Variants in ADAMTS17 observed in about 807,000 individuals in gnomAD.
The protein encoded by ADAMTS17 is ADAM metallopeptidase with thrombospondin type 1 motif 17.
ADAMTS17 carries 113 observed loss-of-function variants against 141.5 expected under a neutral mutation model. The observed-to-expected ratio is 0.80, with a 90% CI of 0.69 to 0.93. ADAMTS17 has a LOEUF of 0.93. Ranked by LOEUF, ADAMTS17 falls within the 40% of genes least tolerant of loss-of-function variation. The probability of loss-of-function intolerance (pLI) is 0.00; values close to 1 mark genes in which losing one functional copy is unlikely to be tolerated. For synonymous variants in ADAMTS17, 768 were observed against 630.6 expected, an observed-to-expected ratio of 1.22 and a Z score of -3.27; for missense variants, 1,659 against 1,517.9, an observed-to-expected ratio of 1.09 and a Z score of -1.54.
At chr15:100,247,766 C>T (rs2043032226) in intron 7 of ADAMTS17, among the ~76,000 whole-genome samples, 2 of 152,216 alleles carry the variant, frequency 1.3e-5, no homozygotes. Flanking sequence ...CTCCCCCTCA[C>T]CTCTTGCCAG....
intron 3 of ADAMTS17, among the ~76,000 whole-genome samples, chr15:100,328,343 G>C (rs561434113): frequency 6.6e-6 from 1 of 152,282 alleles, no homozygotes; most frequent in South Asian, 2.1e-4. Context: ...AAGGCCCATT[G>C]TCATTCTCAG....
At position 100,117,024 on chromosome 15, in the gene ADAMTS17, G is replaced by A; in HGVS notation, c.1722-11C>T. The A allele has an allele frequency of 6.2e-7, 1 of 1,600,844 alleles. No individual in the cohort carries two copies. The highest frequency in any genetic ancestry group is 8.5e-7 in the Non-Finnish European group (1 of 1,174,152). On this transcript the variant is annotated splice_polypyrimidine_tract_variant and intron_variant, in intron 12 of 21. Coordinates refer to ENST00000268070, the MANE Select transcript of ADAMTS17 (RefSeq NM_139057.4). ...CCTCCAGGCCCAGGGCTAGAAGGAA[G>A]AAGAAGGTCTGTGTTAACCAGGTGG...
rs888435182 is a variant in ADAMTS17 at position 100,061,267 on chromosome 15, G to C, written c.2138-7213C>G. Among the ~76,000 whole-genome samples the C allele has an allele frequency of 9.2e-5, 14 of 152,298 alleles. No homozygotes were observed. The South Asian group carries it at 2.9e-3, about 32-fold the overall frequency. On this transcript the variant is annotated intron_variant, in intron 15 of 21. Coordinates refer to ENST00000268070, the MANE Select transcript of ADAMTS17 (RefSeq NM_139057.4). Reference sequence around the variant, plus strand: ...CTCCATGAACGGCAGCGAAATCAGAGGAGGTGGAGACCCTGGATGAGACAC... The same window carrying C: ...CTCCATGAACGGCAGCGAAATCAGACGAGGTGGAGACCCTGGATGAGACAC...
intron 7 of ADAMTS17, among the ~76,000 whole-genome samples, chr15:100,229,291 C>T (rs747601869): frequency 3.3e-4 from 50 of 151,902 alleles, no homozygotes; most frequent in Non-Finnish European, 5.7e-4. Context: ...ACCCCCTCCC[C>T]ACATTGACAG....
At chr15:100,018,489 G>A (rs2061336379) in intron 18 of ADAMTS17, among the ~76,000 whole-genome samples, 1 of 152,160 alleles carries the variant, frequency 6.6e-6, no homozygotes, top group East Asian at 1.9e-4. Context: ...TCATGATACT[G>A]AGTAAGTTCT....
intron 7 of ADAMTS17, among the ~76,000 whole-genome samples, chr15:100,231,838 A>G (rs1161038201): frequency 6.6e-6 from 1 of 152,164 alleles, no homozygotes; most frequent in African/African-American, 2.4e-5. Context: ...AGGTCATCTT[A>G]CCGTCATCCT....
intron 10 of ADAMTS17, among the ~76,000 whole-genome samples, chr15:100,134,604 C>T (rs1400186942): frequency 1.3e-5 from 2 of 152,172 alleles, no homozygotes; most frequent in Non-Finnish European, 2.9e-5. Context: ...GTCTGCTCTT[C>T]CAAGTAATCT....
intron 10 of ADAMTS17, among the ~76,000 whole-genome samples, chr15:100,138,984 G>C (rs1447570306): frequency 6.6e-6 from 1 of 152,190 alleles, no homozygotes; most frequent in Non-Finnish European, 1.5e-5. Flanking sequence ...AGACTAGCTT[G>C]AAGGCGCATG....
At chr15:100,110,742 G>T (rs1049892678) in intron 13 of ADAMTS17, among the ~76,000 whole-genome samples, 2 of 152,094 alleles carry the variant, frequency 1.3e-5, no homozygotes, top group African/African-American at 4.8e-5. Flanking sequence ...GCTGCTCTTT[G>T]TCTTCTCCAC....
At chr15:100,124,151 A>G (rs1252200733) in intron 12 of ADAMTS17, among the ~76,000 whole-genome samples, 4 of 151,988 alleles carry the variant, frequency 2.6e-5, no homozygotes, top group African/African-American at 9.7e-5. Context: ...TTTTTAGTAG[A>G]GATGGGGTCT....
intron 4 of ADAMTS17, among the ~76,000 whole-genome samples, chr15:100,263,606 G>A (rs1314801143): frequency 3.3e-5 from 5 of 152,172 alleles, no homozygotes; most frequent in Non-Finnish European, 7.3e-5. Context: ...AAAGCCCACT[G>A]CAGCTGACGA....
intron 18 of ADAMTS17, among the ~76,000 whole-genome samples, chr15:100,044,701 A>T (rs188439196): frequency 2.4e-4 from 36 of 152,284 alleles, no homozygotes; most frequent in Non-Finnish European, 3.8e-4. Context: ...CTGTTTCCCT[A>T]TATGACTAGT....
intron 15 of ADAMTS17, among the ~76,000 whole-genome samples, chr15:100,095,366 G>C (rs914490321): frequency 2.0e-5 from 3 of 152,320 alleles, no homozygotes; most frequent in Admixed American, 2.0e-4. Context: ...CAGGCATCTA[G>C]AAGGAACGTT....
chr15:100,262,539 A>C, intron 4 of ADAMTS17, 104 bp from the exon 5 acceptor site: 1 of 811,144 alleles, frequency 1.2e-6, no homozygotes, highest in Non-Finnish European at 1.9e-6. Context: ...GATTATGTAA[A>C]AATAAGGAAA....
intron 15 of ADAMTS17, among the ~76,000 whole-genome samples, chr15:100,076,945 T>C (rs990142417): frequency 3.9e-5 from 6 of 152,098 alleles, no homozygotes; most frequent in African/African-American, 1.2e-4. Flanking sequence ...TAAATCGCTA[T>C]GAAGTTTATA....
At chr15:100,197,410 T>G (rs1286671820) in intron 8 of ADAMTS17, among the ~76,000 whole-genome samples, 1 of 152,222 alleles carries the variant, frequency 6.6e-6, no homozygotes, top group Non-Finnish European at 1.5e-5. Context: ...TACTACGGCA[T>G]GCTGGTTGGG....
intron 18 of ADAMTS17, among the ~76,000 whole-genome samples, chr15:99,998,471 G>A (rs1371325611): frequency 2.6e-5 from 4 of 152,174 alleles, no homozygotes; most frequent in Non-Finnish European, 5.9e-5. Flanking sequence ...AGGCGTGGTG[G>A]TGCACGCCTG....
At chr15:100,082,960 T>C (rs1166365140) in intron 15 of ADAMTS17, among the ~76,000 whole-genome samples, 1 of 152,130 alleles carries the variant, frequency 6.6e-6, no homozygotes, top group Non-Finnish European at 1.5e-5. Flanking sequence ...TGAAGAGGCG[T>C]TTCCTAGAGG....
intron 3 of ADAMTS17, among the ~76,000 whole-genome samples, chr15:100,310,721 C>G (rs2045375660): frequency 6.6e-6 from 1 of 152,170 alleles, no homozygotes; most frequent in South Asian, 2.1e-4. Context: ...GGGAACACTC[C>G]CGGCTTTACT....
Sources: gnomAD v4.1 joint callset for allele counts (sites outside exome capture counted in the v4.1 genomes callset) on GRCh38, gnomAD v4.1.1 for gene constraint, MANE v1.5 for transcripts, NCBI Gene and HGNC (gene_info 2026-07-23, HGNC 2026-07-21) for gene names.